Variants in TRABD2B observed in about 807,000 individuals in gnomAD.
TRABD2B encodes the protein metalloprotease TIKI2.
A neutral mutation model predicts 40.1 loss-of-function variants in TRABD2B; 14 were observed. The ratio of observed to expected loss-of-function variants is 0.35; its 90% confidence interval spans 0.23 to 0.55. TRABD2B has a LOEUF of 0.55. TRABD2B is among the 20% of genes least tolerant of loss of function. The pLI is 0.90. For missense variants in TRABD2B, 541 were observed against 648.6 expected, an observed-to-expected ratio of 0.83 and a Z score of 1.80; for synonymous variants, 263 against 277.0, an observed-to-expected ratio of 0.95 and a Z score of 0.50.
intron 2 of TRABD2B, among the ~76,000 whole-genome samples, chr1:47,847,859 G>A (rs993716367): frequency 6.6e-6 from 1 of 152,198 alleles, no homozygotes; most frequent in African/African-American, 2.4e-5. Flanking sequence ...GCACGTTAGG[G>A]CTTTGATAGC....
intron 2 of TRABD2B, among the ~76,000 whole-genome samples, chr1:47,919,826 T>C (rs1023163655): frequency 1.1e-4 from 16 of 152,252 alleles, no homozygotes; most frequent in African/African-American, 3.9e-4. Flanking sequence ...GAAGGAGGGA[T>C]ATGGTAGGGC....
At chr1:47,846,373 T>C (rs1359539205) in intron 2 of TRABD2B, among the ~76,000 whole-genome samples, 2 of 152,220 alleles carry the variant, frequency 1.3e-5, no homozygotes, top group East Asian at 3.8e-4. Flanking sequence ...GACTTACTCC[T>C]GGGCAGTGAG....
chr1:47,886,413 A>G (rs1425296497), intron 2 of TRABD2B, among the ~76,000 whole-genome samples: 1 of 151,922 alleles, frequency 6.6e-6, no homozygotes, highest in East Asian at 1.9e-4. Context: ...ACCTCTCCTC[A>G]CTGCTGGACA....
At chr1:47,875,041 G>A (rs1050697990) in intron 2 of TRABD2B, among the ~76,000 whole-genome samples, 4 of 152,038 alleles carry the variant, frequency 2.6e-5, no homozygotes, top group African/African-American at 9.7e-5. Flanking sequence ...GGGTTTTGGC[G>A]AAGGATGTAG....
At chr1:47,884,077 T>C (rs920109013) in intron 2 of TRABD2B, among the ~76,000 whole-genome samples, 9 of 152,196 alleles carry the variant, frequency 5.9e-5, no homozygotes, top group Non-Finnish European at 8.8e-5. Context: ...GACAGTTAAA[T>C]AATGGGAAAG....
At chr1:47,861,616 G>A (rs984943509) in intron 2 of TRABD2B, among the ~76,000 whole-genome samples, 6 of 152,274 alleles carry the variant, frequency 3.9e-5, no homozygotes, top group East Asian at 1.9e-4. Flanking sequence ...AAATTGGATC[G>A]ATAATTAAGA....
chr1:47,799,957 G>A (rs533996840), intron 3 of TRABD2B, among the ~76,000 whole-genome samples: 212 of 152,262 alleles, frequency 1.4e-3, no homozygotes, highest in African/African-American at 4.5e-3. Flanking sequence ...TTCCCTATGT[G>A]ACTGTAAGCC....
At chr1:47,800,934 C>T (rs1180910313) in intron 3 of TRABD2B, among the ~76,000 whole-genome samples, 2 of 152,180 alleles carry the variant, frequency 1.3e-5, no homozygotes, top group East Asian at 3.9e-4. Flanking sequence ...TTGTAAGGTC[C>T]TTGAATGCTG....
Position 47,810,608 on chromosome 1 carries a change from C to T in TRABD2B, c.667-8989G>A, listed in dbSNP as rs557277642. ...CAGGGACCCAACAGCAACCAGGTGG[C>T]ACACTGCCAGTGAGATGAGTTCCAA... On this transcript the variant is annotated intron_variant, in intron 2 of 6. Transcript: ENST00000606738. Among the ~76,000 whole-genome samples, 5 of 152,326 alleles carry T rather than the reference C, an allele frequency of 3.3e-5. No homozygotes were observed. The East Asian group carries it at 9.7e-4, about 29-fold the overall frequency.
chr1:47,927,499 C>T (rs1356254097), intron 2 of TRABD2B, among the ~76,000 whole-genome samples: 2 of 152,216 alleles, frequency 1.3e-5, no homozygotes, highest in Non-Finnish European at 2.9e-5. Flanking sequence ...GCACCTCCCT[C>T]CAGAGAGCCC....
At chr1:47,908,170 T>A (rs907043103) in intron 2 of TRABD2B, among the ~76,000 whole-genome samples, 1 of 152,150 alleles carries the variant, frequency 6.6e-6, no homozygotes, top group Non-Finnish European at 1.5e-5. Flanking sequence ...GAAGAGTATG[T>A]ATAATAATAA....
chr1:47,904,809 T>C (rs1283727843), intron 2 of TRABD2B, among the ~76,000 whole-genome samples: 4 of 152,242 alleles, frequency 2.6e-5, no homozygotes, highest in African/African-American at 9.6e-5. Context: ...GAGTTAAGCA[T>C]TGCCCTCCAT....
At chr1:47,794,445 G>A in intron 4 of TRABD2B, 141 bp downstream of exon 4, 3 of 890,222 alleles carry the variant, frequency 3.4e-6, no homozygotes, top group Non-Finnish European at 4.7e-6. Flanking sequence ...CTTGGATCTC[G>A]GTGCTGCTGC....
At chr1:47,814,972 G>A (rs1179432023) in intron 2 of TRABD2B, among the ~76,000 whole-genome samples, 1 of 152,154 alleles carries the variant, frequency 6.6e-6, no homozygotes, top group African/African-American at 2.4e-5. Flanking sequence ...ATCCTGCATG[G>A]GGCTTCTCGT....
chr1:47,906,252 T>C (rs759270249), intron 2 of TRABD2B, among the ~76,000 whole-genome samples: 9 of 152,286 alleles, frequency 5.9e-5, no homozygotes, highest in East Asian at 3.9e-4. Context: ...GAATGACTCA[T>C]TGAAGAAACA....
At position 47,813,384 on chromosome 1, in the gene TRABD2B, G is replaced by C. The variant is rs376145962; in HGVS notation, c.667-11765C>G. On this transcript the variant is annotated intron_variant, in intron 2 of 6. Coordinates refer to ENST00000606738, the MANE Select transcript of TRABD2B (RefSeq NM_001194986.2). The surrounding 1 kb of genome is among the most constrained non-coding windows in gnomAD (Gnocchi z 4.3). ...ATGGAAGGAGAGGAGTTGAGTCTGG[G>C]AGTGCTCAATACTGATGAGAGAAAT... Among the ~76,000 whole-genome samples the C allele has an allele frequency of 2.6e-3, 394 of 152,248 alleles. 2 individuals carry two copies. The highest frequency in any genetic ancestry group is 8.8e-3 in the African/African-American group (365 of 41,530).
intron 2 of TRABD2B, among the ~76,000 whole-genome samples, chr1:47,966,598 G>A (rs573360574): frequency 6.6e-6 from 1 of 152,236 alleles, no homozygotes; most frequent in African/African-American, 2.4e-5. Context: ...CCAATCTCAA[G>A]AAGGAATTTA....
At chr1:47,980,155 T>C (rs1025835713) in intron 2 of TRABD2B, among the ~76,000 whole-genome samples, 1 of 152,164 alleles carries the variant, frequency 6.6e-6, no homozygotes, top group Non-Finnish European at 1.5e-5. Flanking sequence ...ACTAGTGTTC[T>C]CCACATGTGA....
At chr1:47,768,869 C>T (rs1644341282) in intron 6 of TRABD2B, among the ~76,000 whole-genome samples, 1 of 152,240 alleles carries the variant, frequency 6.6e-6, no homozygotes, top group Admixed American at 6.5e-5. Context: ...TATTATTCCC[C>T]TTTCTAAGGT....
Sources: gnomAD v4.1 joint callset for allele counts (sites outside exome capture counted in the v4.1 genomes callset) on GRCh38, gnomAD v4.1.1 for gene constraint, Gnocchi (gnomAD v3.1) non-coding constraint, MANE v1.5 for transcripts, NCBI Gene and HGNC (gene_info 2026-07-23, HGNC 2026-07-21) for gene names.